The following CYBRD1 variants were observed in gnomAD, a reference collection of about 807,000 sequenced individuals.
The protein encoded by CYBRD1 is plasma membrane ascorbate-dependent reductase CYBRD1.
Under a neutral mutation model 21.9 loss-of-function variants are expected in CYBRD1, and 14 were observed. The ratio of observed to expected loss-of-function variants is 0.64; its 90% CI spans 0.42 to 1.00. The LOEUF is 1.00. Ranked by LOEUF, CYBRD1 falls within the 50% of genes least tolerant of loss-of-function variation. CYBRD1 has a pLI of 0.00. For missense variants in CYBRD1, 328 were observed against 352.5 expected (o/e 0.93, Z 0.56); for synonymous variants, 146 against 136.5 (o/e 1.07, Z -0.48).
chr2:171,525,474 G>C (rs1373898132), intron 1 of CYBRD1, among the ~76,000 whole-genome samples: 3 of 152,144 alleles, frequency 2.0e-5, no homozygotes, highest in African/African-American at 7.2e-5. Context: ...TATTAGGAAG[G>C]CTCCAGTGGA....
intron 2 of CYBRD1, among the ~76,000 whole-genome samples, chr2:171,549,232 T>G (rs1439395205): frequency 6.6e-6 from 1 of 152,144 alleles, no homozygotes; most frequent in Non-Finnish European, 1.5e-5. Flanking sequence ...TACAGGCCCA[T>G]GCCACCATAC....
In CYBRD1 at chr2:171,556,122, A is replaced by G. The variant is rs2105349875; in HGVS notation, c.*1295A>G. On this transcript the variant is annotated 3_prime_UTR_variant, in exon 4 of 4. Transcript: ENST00000321348. ...ACCTTGACACTTGTTTGATCTTAAAATTGTGTCTTGGTAACAAAAGATTTG... is the reference window on the plus strand; with the variant it reads ...ACCTTGACACTTGTTTGATCTTAAAGTTGTGTCTTGGTAACAAAAGATTTG... 1 of 152,340 alleles carries G rather than the reference A, an allele frequency of 6.6e-6. No homozygotes were observed. The highest frequency in any genetic ancestry group is 6.5e-5 in the Admixed American group (1 of 15,304). The allele number at this position is 152,340 out of a possible 1,614,324, so 9.4% of individuals were successfully genotyped here. A position where few individuals can be genotyped will look rare whatever the true frequency, so the allele number is the denominator to read the frequency against.
intron 1 of CYBRD1, among the ~76,000 whole-genome samples, chr2:171,538,332 C>G (rs1001371961): frequency 6.6e-6 from 1 of 152,074 alleles, no homozygotes; most frequent in Non-Finnish European, 1.5e-5. Flanking sequence ...CCAGGGCTGC[C>G]TTAGGCTCTG....
At position 171,556,255 on chromosome 2, in the gene CYBRD1, G is replaced by A. The variant is rs1683486448; in HGVS notation, c.*1428G>A. 1 of 152,168 alleles carries A rather than the reference G, an allele frequency of 6.6e-6. No homozygotes were observed. Among genetic ancestry groups the A allele is most frequent in the African/African-American group, 2.4e-5 (1 of 41,440 alleles). The allele number at this position is 152,168 out of a possible 1,614,324, so 9.4% of individuals were successfully genotyped here. A position where few individuals can be genotyped will look rare whatever the true frequency, so the allele number is the denominator to read the frequency against. On this transcript the variant is annotated 3_prime_UTR_variant, in exon 4 of 4. Coordinates refer to ENST00000321348, the MANE Select transcript of CYBRD1 (RefSeq NM_024843.4). ...TGGAGCTAAAAGAGACCTGTCTCATGGTCTGCCCTTCCCTGGGGCAATAGC... is the reference window on the plus strand; with the variant it reads ...TGGAGCTAAAAGAGACCTGTCTCATAGTCTGCCCTTCCCTGGGGCAATAGC...
intron 1 of CYBRD1, among the ~76,000 whole-genome samples, chr2:171,532,636 C>CA (rs1338418145): frequency 6.6e-6 from 1 of 151,296 alleles, no homozygotes; most frequent in Non-Finnish European, 1.5e-5. Flanking sequence ...CCTGTCTCTA[C>CA]AAAAAAATAC....
At chr2:171,545,320 T>A (rs940671017) in intron 2 of CYBRD1, among the ~76,000 whole-genome samples, 1 of 151,866 alleles carries the variant, frequency 6.6e-6, no homozygotes, top group Non-Finnish European at 1.5e-5. Flanking sequence ...TCTTAAATCA[T>A]AAATGGATGT....
rs1009299154 is a variant in CYBRD1, at chr2:171,557,469, C to T, written c.*2642C>T. 1.2e-4 allele frequency: 18 copies of T among 152,184 alleles called. No homozygotes were observed. Among genetic ancestry groups the T allele is most frequent in the Admixed American group, 3.9e-4 (6 of 15,276 alleles). 9.4% of individuals were successfully genotyped at this position (152,184 alleles called of 1,614,324 possible). ...AACATTAAAGCCTTTTCTCTCAAAG[C>T]GTTTATTGAGAAACTCAAATGAATA... On this transcript the variant is annotated 3_prime_UTR_variant, in exon 4 of 4. Coordinates refer to ENST00000321348, the MANE Select transcript of CYBRD1 (RefSeq NM_024843.4).
chr2:171,529,855 G>A (rs1697438516), intron 1 of CYBRD1, among the ~76,000 whole-genome samples: 1 of 152,184 alleles, frequency 6.6e-6, no homozygotes, highest in African/African-American at 2.4e-5. Flanking sequence ...GTAGTGGGTT[G>A]AACAGTGCCC....
intron 1 of CYBRD1, among the ~76,000 whole-genome samples, chr2:171,530,338 A>G (rs6726306): frequency 0.17 from 26,459 of 152,220 alleles, 2,381 homozygotes; most frequent in Non-Finnish European, 0.18. Context: ...TGGGAAGCCC[A>G]AAGTATTGGC....
chr2:171,537,113 T>C (rs1366869147), intron 1 of CYBRD1, among the ~76,000 whole-genome samples: 1 of 152,206 alleles, frequency 6.6e-6, no homozygotes, highest in Non-Finnish European at 1.5e-5. Context: ...AGCACTTAGA[T>C]GGTACCTACT....
In CYBRD1 at chr2:171,553,326, T is replaced by G. The variant is rs958771066; in HGVS notation, c.403-20T>G. 2 of 1,612,932 alleles carry G rather than the reference T, an allele frequency of 1.2e-6. No individual in the cohort carries two copies. The highest frequency in any genetic ancestry group is 2.7e-5 in the African/African-American group (2 of 74,864). ...AGAACTTAAAATTAAATGATAACCT[T>G]TGCACTTTTTGGTGTTTAGCTTCTT... is the stretch of plus-strand genomic sequence containing the variant. On this transcript the variant is annotated intron_variant, in intron 2 of 3. Coordinates refer to ENST00000321348, the MANE Select transcript of CYBRD1 (RefSeq NM_024843.4).
Position 171,541,623 on chromosome 2 carries a change from A to G in CYBRD1, c.232A>G (p.Ser78Gly). The change falls in exon 2 of 4, where the codon AGC (serine) becomes GGC (glycine). Residue 78 changes from serine (S) to glycine (G), a missense_variant. By Grantham distance (56) the Ser-to-Gly change is moderately conservative (BLOSUM62 0). Transcript: ENST00000321348. ...VYRLPWTWKC[S>G]KLLMKSIHAG... ...CAGACTGCCGTGGACCTGGAAATGC[A>G]GCAAGCTCCTGATGAAATCCATCCA... 8.1e-6 allele frequency: 13 copies of G among 1,613,996 alleles called. No individual in the cohort carries two copies. Among genetic ancestry groups the G allele is most frequent in the Non-Finnish European group, 1.0e-5 (12 of 1,179,982 alleles).
intron 2 of CYBRD1, among the ~76,000 whole-genome samples, chr2:171,543,399 C>G (rs1452801647): frequency 2.0e-5 from 3 of 152,144 alleles, no homozygotes; most frequent in African/African-American, 7.2e-5. Context: ...GTACCCGGCT[C>G]CCTTCATCTC....
chr2:171,553,275 CT>C, intron 2 of CYBRD1, 70 bp from the exon 3 acceptor site: 5 of 1,551,324 alleles, frequency 3.2e-6, no homozygotes, highest in Non-Finnish European at 4.4e-6. Flanking sequence ...ACACATATTG[CT>C]TTTTAAATAA....
At chr2:171,538,652 C>A (rs1473432235) in intron 1 of CYBRD1, among the ~76,000 whole-genome samples, 1 of 151,952 alleles carries the variant, frequency 6.6e-6, no homozygotes, top group East Asian at 1.9e-4. Flanking sequence ...TAGAATGGAA[C>A]CAAAGAATAG....
chr2:171,525,944 G>A (rs1425263760), intron 1 of CYBRD1, among the ~76,000 whole-genome samples: 9 of 73,132 alleles, frequency 1.2e-4, no homozygotes, highest in African/African-American at 4.5e-4. Flanking sequence ...CGAAACTCCC[G>A]TCTAAAAAAA....
intron 1 of CYBRD1, among the ~76,000 whole-genome samples, chr2:171,535,856 T>G (rs760597059): frequency 2.0e-5 from 3 of 152,058 alleles, no homozygotes; most frequent in African/African-American, 4.8e-5. Flanking sequence ...CCCAAGCTGG[T>G]CTTGAACTCC....
chr2:171,534,735 G>A (rs1323512146), intron 1 of CYBRD1, among the ~76,000 whole-genome samples: 1 of 152,112 alleles, frequency 6.6e-6, no homozygotes, highest in Non-Finnish European at 1.5e-5. Flanking sequence ...AAGACTAATT[G>A]GCTAGTGGGT....
At chr2:171,534,884 A>G (rs1416281362) in intron 1 of CYBRD1, among the ~76,000 whole-genome samples, 1 of 152,202 alleles carries the variant, frequency 6.6e-6, no homozygotes, top group Non-Finnish European at 1.5e-5. Context: ...ATAAAATTTT[A>G]TAAGCTGTTA....
Sources: allele counts gnomAD v4.1 joint callset (sites outside exome capture counted in the v4.1 genomes callset), GRCh38; gene constraint gnomAD v4.1.1; transcripts MANE v1.5; gene names NCBI Gene and HGNC (gene_info 2026-07-23, HGNC 2026-07-21).